RASGEF1B: variants seen among roughly 807,000 people sequenced by gnomAD.
RASGEF1B encodes the protein RasGEF domain family member 1B.
In RASGEF1B, 30 loss-of-function variants were observed where a neutral mutation model predicts 65.7. The observed-to-expected ratio is 0.46, with a 90% CI of 0.34 to 0.62. RASGEF1B has a LOEUF of 0.62. Ranked by LOEUF, RASGEF1B falls within the 20% of genes least tolerant of loss-of-function variation. RASGEF1B has a pLI of 0.01. For synonymous variants in RASGEF1B, 175 were observed against 194.8 expected, an observed-to-expected ratio of 0.90 and a Z score of 0.85; for missense variants, 495 against 580.1, an observed-to-expected ratio of 0.85 and a Z score of 1.51.
chr4:81,442,965 G>A (rs1034196422), intron 8 of RASGEF1B, among the ~76,000 whole-genome samples: 1 of 152,248 alleles, frequency 6.6e-6, no homozygotes, highest in Non-Finnish European at 1.5e-5. Flanking sequence ...CGCTTTGCGT[G>A]TACTATCTCA....
At chr4:81,428,283 A>G (rs1048197232) in intron 13 of RASGEF1B, among the ~76,000 whole-genome samples, 1 of 152,212 alleles carries the variant, frequency 6.6e-6, no homozygotes, top group Non-Finnish European at 1.5e-5. Flanking sequence ...CAAGAAAAGC[A>G]TCTATGTAAA....
intron 12 of RASGEF1B, 47 bp from the exon 13 acceptor site, chr4:81,432,418 G>T: frequency 8.3e-7 from 1 of 1,211,140 alleles, no homozygotes; most frequent in Non-Finnish European, 1.2e-6. Flanking sequence ...GCCTTCTCCT[G>T]ATATATTATC....
chr4:81,469,813 T>A (rs1722962029), intron 1 of RASGEF1B, among the ~76,000 whole-genome samples: 1 of 152,112 alleles, frequency 6.6e-6, no homozygotes, highest in South Asian at 2.1e-4. Context: ...AAATATCCAG[T>A]GGAGCACATA....
At position 81,447,514 on chromosome 4, in the gene RASGEF1B, T is replaced by C; in HGVS notation, c.719A>G (p.Asp240Gly). The change falls in exon 6 of 14, where the codon GAT becomes GGT. Residue 240 changes from aspartate to glycine, a missense_variant. Physicochemically the swap from Asp to Gly is moderately conservative, Grantham distance 94. Transcript: ENST00000264400. ...GGGTAGACTGATTACCTTGTCATTATCCAAAGGGTCCTTCTGCACGAACGC... is the reference window on the plus strand; with the variant it reads ...GGGTAGACTGATTACCTTGTCATTACCCAAAGGGTCCTTCTGCACGAACGC... ...VQAFVQKDPL[D>G]NDKSCYSERK... 1 of 1,613,740 alleles carries C rather than the reference T, an allele frequency of 6.2e-7. No individual in the cohort carries two copies. Among genetic ancestry groups the C allele is most frequent in the Non-Finnish European group, 8.5e-7 (1 of 1,179,630 alleles).
chr4:81,457,641 T>C lies in RASGEF1B; in HGVS notation c.178-20A>G. The C allele has an allele frequency of 1.2e-6, 2 of 1,611,664 alleles. No homozygotes were observed. The highest frequency in any genetic ancestry group is 1.7e-6 in the Non-Finnish European group (2 of 1,179,052). Reference sequence around the variant, plus strand: ...TGTTCTCTGCAGCAACAGAAAAAAGTCATCATCGTTACATTCTCTCTGAAA... The same window carrying C: ...TGTTCTCTGCAGCAACAGAAAAAAGCCATCATCGTTACATTCTCTCTGAAA... On this transcript the variant is annotated intron_variant, in intron 2 of 13. Transcript: ENST00000264400.
chr4:81,446,391 ACC>A (rs1267242854), intron 6 of RASGEF1B, among the ~76,000 whole-genome samples: 1 of 151,984 alleles, frequency 6.6e-6, no homozygotes, highest in African/African-American at 2.4e-5. Context: ...AAGTGTCCCT[ACC>A]CCTCTTCCCA....
At chr4:81,443,795 T>C (rs1055404671) in intron 8 of RASGEF1B, among the ~76,000 whole-genome samples, 6 of 152,228 alleles carry the variant, frequency 3.9e-5, no homozygotes, top group African/African-American at 1.4e-4. Flanking sequence ...TGTAGGTGTG[T>C]GCAATCTCTG....
At chr4:81,454,545 AC>A (rs1274839482) in intron 4 of RASGEF1B, 1 of 152,168 alleles carries the variant, frequency 6.6e-6, no homozygotes, top group Non-Finnish European at 1.5e-5. Context: ...GCCAGCACTG[AC>A]CCTGCCAAGG....
chr4:81,467,569 C>T (rs145261884), intron 1 of RASGEF1B, among the ~76,000 whole-genome samples: 21 of 152,246 alleles, frequency 1.4e-4, no homozygotes, highest in South Asian at 4.1e-4. Context: ...GTTCCTAAAC[C>T]GGACAGTAGA....
intron 8 of RASGEF1B, among the ~76,000 whole-genome samples, chr4:81,444,708 T>C (rs1008090073): frequency 6.6e-6 from 1 of 152,208 alleles, no homozygotes; most frequent in Non-Finnish European, 1.5e-5. Context: ...AGCTAATTTT[T>C]GTATTTTTAG....
chr4:81,448,605 C>T lies in RASGEF1B; in HGVS notation c.439-321G>A, dbSNP rs1486432602. ...TGAGTACTAAGTATAACTGAATGTC[C>T]TCTGTTCCAGCAAAGAAATATACCT... is the stretch of plus-strand genomic sequence containing the variant. On this transcript the variant is annotated intron_variant, in intron 4 of 13. Transcript: ENST00000264400. Among the ~76,000 whole-genome samples, 4 of 152,116 alleles carry T rather than the reference C, an allele frequency of 2.6e-5. No individual in the cohort carries two copies. In the South Asian group the frequency reaches 6.2e-4, roughly 24 times the overall value.
intron 11 of RASGEF1B, among the ~76,000 whole-genome samples, chr4:81,434,338 A>G (rs1251635228): frequency 6.6e-6 from 1 of 152,180 alleles, no homozygotes; most frequent in Non-Finnish European, 1.5e-5. Context: ...GGCGTGAGCT[A>G]CTGCAGCTAC....
At chr4:81,435,134 G>A (rs974710873) in intron 10 of RASGEF1B, among the ~76,000 whole-genome samples, 4 of 151,994 alleles carry the variant, frequency 2.6e-5, no homozygotes, top group Admixed American at 6.6e-5. Context: ...TCATTGGGCC[G>A]GGCACGGTGG....
At chr4:81,458,846 A>T (rs573493889) in intron 2 of RASGEF1B, 3 of 152,596 alleles carry the variant, frequency 2.0e-5, no homozygotes, top group African/African-American at 7.2e-5. Flanking sequence ...GTAGGTTACC[A>T]AGGTAAAACA....
intron 8 of RASGEF1B, among the ~76,000 whole-genome samples, chr4:81,443,330 T>C (rs1721912312): frequency 6.6e-6 from 1 of 152,156 alleles, no homozygotes; most frequent in Non-Finnish European, 1.5e-5. Flanking sequence ...CTTAAACACA[T>C]AATTAGATGA....
intron 6 of RASGEF1B, 96 bp from the exon 7 acceptor site, chr4:81,445,934 G>A: frequency 4.7e-6 from 4 of 842,420 alleles, no homozygotes; most frequent in Non-Finnish European, 7.6e-6. Context: ...CTCAGTTTAT[G>A]GATTAGGAAA....
intron 10 of RASGEF1B, among the ~76,000 whole-genome samples, chr4:81,437,785 C>A (rs1039790062): frequency 6.6e-6 from 1 of 152,168 alleles, no homozygotes; most frequent in Non-Finnish European, 1.5e-5. Flanking sequence ...AAGAAAGAAG[C>A]CTTGCAGGCT....
At chr4:81,466,555 C>G (rs540179482) in intron 1 of RASGEF1B, among the ~76,000 whole-genome samples, 3 of 151,726 alleles carry the variant, frequency 2.0e-5, no homozygotes, top group East Asian at 3.9e-4. Flanking sequence ...GTCAGCAGAT[C>G]GAGACCATCC....
Position 81,445,610 on chromosome 4 carries a change from G to T in RASGEF1B, c.844C>A (p.Arg282=). The T allele has an allele frequency of 6.2e-7, 1 of 1,613,866 alleles. No individual in the cohort carries two copies. The highest frequency in any genetic ancestry group is 8.5e-7 in the Non-Finnish European group (1 of 1,179,828). The change falls in exon 8 of 14, where the codon CGA becomes AGA. Residue 282 remains arginine, a synonymous_variant. Transcript: ENST00000264400. ...ATGAAATACTCAATCATTCTTGCTC[G>T]GTGTTTTTTCTTAACAGGCTACACA... The part of the protein sequence containing the change: ...EICMPVKKKH[R]ARMIEYFIDV...
Sources: allele counts gnomAD v4.1 joint callset (sites outside exome capture counted in the v4.1 genomes callset), GRCh38; gene constraint gnomAD v4.1.1; transcripts MANE v1.5; gene names NCBI Gene and HGNC (gene_info 2026-07-23, HGNC 2026-07-21).